Variants in TRIM71 observed in about 807,000 individuals in gnomAD.
TRIM71 encodes the protein tripartite motif containing 71.
In TRIM71, 9 loss-of-function variants were observed where a neutral mutation model predicts 61.2. The ratio of observed to expected loss-of-function variants is 0.15; its 90% CI spans 0.09 to 0.26. The LOEUF is 0.26. TRIM71 is among the 10% of genes least tolerant of loss of function. The pLI is 1.00. For missense variants in TRIM71, 998 were observed against 1,238.7 expected (o/e 0.81, Z 2.92); for synonymous variants, 645 against 553.2 (o/e 1.17, Z -2.33).
intron 1 of TRIM71, among the ~76,000 whole-genome samples, chr3:32,863,544 A>T (rs1051022991): frequency 2.0e-5 from 3 of 152,088 alleles, no homozygotes; most frequent in Admixed American, 1.3e-4. Context: ...ACCTGCAACT[A>T]CTGTTGTTTT....
chr3:32,859,052 C>G (rs1306890436), intron 1 of TRIM71, among the ~76,000 whole-genome samples: 1 of 152,078 alleles, frequency 6.6e-6, no homozygotes, highest in Non-Finnish European at 1.5e-5. Context: ...TTTCTCCTGG[C>G]TTCGTGACCT....
intron 1 of TRIM71, among the ~76,000 whole-genome samples, chr3:32,863,737 A>G (rs113482476): frequency 6.6e-6 from 1 of 152,012 alleles, no homozygotes; most frequent in African/African-American, 2.4e-5. Context: ...GCTGGAGTGC[A>G]GTGGTGAGAT....
chr3:32,867,786 C>T (rs1015712176), intron 1 of TRIM71, among the ~76,000 whole-genome samples: 1 of 152,000 alleles, frequency 6.6e-6, no homozygotes, highest in Admixed American at 6.6e-5. Flanking sequence ...AACTATAGTA[C>T]CGTGTTGCAC....
chr3:32,860,397 C>T (rs536837864), intron 1 of TRIM71, among the ~76,000 whole-genome samples: 8 of 152,180 alleles, frequency 5.3e-5, no homozygotes, highest in Non-Finnish European at 1.2e-4. Context: ...CTCAGGTGAT[C>T]CACCTGCCTC....
chr3:32,823,917 C>A (rs751669818), intron 1 of TRIM71, among the ~76,000 whole-genome samples: 2 of 151,986 alleles, frequency 1.3e-5, no homozygotes, highest in Non-Finnish European at 2.9e-5. Flanking sequence ...ACTAAAAATA[C>A]AACAAAAATT....
At chr3:32,867,627 C>A (rs538527350) in intron 1 of TRIM71, among the ~76,000 whole-genome samples, 161 of 152,234 alleles carry the variant, frequency 1.1e-3, no homozygotes, top group Non-Finnish European at 1.8e-3. Flanking sequence ...CAGAATCTTA[C>A]ATATTTATTG....
At chr3:32,868,921 G>A (rs538163511) in intron 1 of TRIM71, among the ~76,000 whole-genome samples, 20 of 152,236 alleles carry the variant, frequency 1.3e-4, no homozygotes, top group Non-Finnish European at 2.4e-4. Flanking sequence ...GGGGCAGCAC[G>A]TGGCCAGGGC....
rs1329968763 is a variant in TRIM71 at position 32,897,466 on chromosome 3, C to T, written c.*5655C>T. On this transcript the variant is annotated 3_prime_UTR_variant, in exon 4 of 4. Coordinates refer to ENST00000383763, the MANE Select transcript of TRIM71 (RefSeq NM_001039111.3). Reference sequence around the variant, plus strand: ...TAGATGGGTGGGGAAATGAAGATTTCCCCCCAAACCTTTAGGCAAAAGTGA... The same window carrying T: ...TAGATGGGTGGGGAAATGAAGATTTTCCCCCAAACCTTTAGGCAAAAGTGA... The T allele has an allele frequency of 5.9e-5, 9 of 152,082 alleles. No homozygotes were observed. Among genetic ancestry groups the T allele is most frequent in the African/African-American group, 1.9e-4 (8 of 41,414 alleles). The allele number at this position is 152,082 out of a possible 1,614,324, so 9.4% of individuals were successfully genotyped here.
chr3:32,845,193 G>C (rs535089380), intron 1 of TRIM71, among the ~76,000 whole-genome samples: 1 of 152,282 alleles, frequency 6.6e-6, no homozygotes, highest in South Asian at 2.1e-4. Context: ...GTGGAGGGGA[G>C]TACAGTAATT....
At chr3:32,873,391 T>C (rs1443074755) in intron 1 of TRIM71, among the ~76,000 whole-genome samples, 2 of 152,130 alleles carry the variant, frequency 1.3e-5, no homozygotes, top group African/African-American at 4.8e-5. Flanking sequence ...AAAGGAAACT[T>C]TTCTGGTACA....
At chr3:32,827,134 A>T (rs1696212154) in intron 1 of TRIM71, among the ~76,000 whole-genome samples, 1 of 152,074 alleles carries the variant, frequency 6.6e-6, no homozygotes. Flanking sequence ...GTTGTATTTC[A>T]CTCAAAAACA....
intron 1 of TRIM71, among the ~76,000 whole-genome samples, chr3:32,847,435 T>G (rs1307437492): frequency 6.6e-6 from 1 of 152,184 alleles, no homozygotes; most frequent in Admixed American, 6.5e-5. Flanking sequence ...CTTCAGGTGA[T>G]CCGCCTGCCT....
intron 1 of TRIM71, among the ~76,000 whole-genome samples, chr3:32,861,106 C>T (rs1461705619): frequency 1.3e-5 from 2 of 151,724 alleles, no homozygotes; most frequent in Non-Finnish European, 2.9e-5. Flanking sequence ...TCCCGGGAGG[C>T]AGAGGTTGCA....
At chr3:32,847,650 C>T (rs1231163886) in intron 1 of TRIM71, among the ~76,000 whole-genome samples, 1 of 152,218 alleles carries the variant, frequency 6.6e-6, no homozygotes, top group Non-Finnish European at 1.5e-5. Flanking sequence ...GGCAAGTACA[C>T]ATTGACTATC....
Position 32,890,524 on chromosome 3 carries a change from G to A in TRIM71, c.1320G>A (p.Gln440=), listed in dbSNP as rs1363717813. Residue 440 remains glutamine, a synonymous_variant, in exon 4 of 4, where the codon CAG becomes CAA. Transcript: ENST00000383763. The surrounding 1 kb of genome is among the most constrained non-coding windows in gnomAD (Gnocchi z 6.2). ...TGGCCCGAGACCGGATGCTGGCCCA[G>A]GTGCAGGAGCTGAAGACCGTGCGGA... ...ILLARDRMLA[Q]VQELKTVRSL... 14 of 1,614,110 alleles carry A rather than the reference G, an allele frequency of 8.7e-6. No homozygotes were observed. Among genetic ancestry groups the A allele is most frequent in the Non-Finnish European group, 1.2e-5 (14 of 1,180,040 alleles).
chr3:32,826,056 G>A (rs1355224985), intron 1 of TRIM71, among the ~76,000 whole-genome samples: 2 of 152,076 alleles, frequency 1.3e-5, no homozygotes, highest in Non-Finnish European at 2.9e-5. Context: ...GTAAATCTTT[G>A]CCTCTCCCAT....
At position 32,829,626 on chromosome 3, in the gene TRIM71, TTGTGTGTG is replaced by T. The variant is rs10524029; in HGVS notation, c.852+10712_852+10719del. 1.7e-4 allele frequency among the ~76,000 whole-genome samples: 26 copies of T among 148,786 alleles called. 1 individual carries two copies. In the East Asian group the frequency reaches 4.2e-3, roughly 24 times the overall value. On this transcript the variant is annotated intron_variant, in intron 1 of 3. Transcript: ENST00000383763. ...TTTAGTAAGCATTAATGTCATGGTA[TTGTGTGTG>T]TGTGTGTGTGTGTGTGTTTGTGTGT...
At chr3:32,825,767 G>A (rs747589850) in intron 1 of TRIM71, among the ~76,000 whole-genome samples, 36 of 152,102 alleles carry the variant, frequency 2.4e-4, no homozygotes, top group African/African-American at 8.5e-4. Flanking sequence ...AGCCTACTCC[G>A]TTACCGCTTT....
At chr3:32,857,230 C>T (rs1696615979) in intron 1 of TRIM71, among the ~76,000 whole-genome samples, 2 of 152,206 alleles carry the variant, frequency 1.3e-5, no homozygotes, top group South Asian at 2.1e-4. Flanking sequence ...TGCTTCTTTG[C>T]TCAAGCTGTT....
Sources: gnomAD v4.1 joint callset for allele counts (sites outside exome capture counted in the v4.1 genomes callset) on GRCh38, gnomAD v4.1.1 for gene constraint, Gnocchi (gnomAD v3.1) non-coding constraint, MANE v1.5 for transcripts, NCBI Gene and HGNC (gene_info 2026-07-23, HGNC 2026-07-21) for gene names.